The following EXPH5 variants were observed in gnomAD, a reference collection of about 807,000 sequenced individuals.
EXPH5 encodes the protein exophilin-5.
In EXPH5, 42 loss-of-function variants were observed where a neutral mutation model predicts 41.1. The observed-to-expected ratio is 1.02, with a 90% CI of 0.80 to 1.32. The LOEUF is 1.32. Among genes scored for constraint, EXPH5 ranks in the 40% most tolerant of loss-of-function variants. EXPH5 has a pLI of 0.00. For missense variants in EXPH5, 2,298 were observed against 2,314.5 expected (o/e 0.99, Z 0.15); for synonymous variants, 798 against 833.5 (o/e 0.96, Z 0.73).
chr11:108,514,776 T>G lies in EXPH5; in HGVS notation c.731A>C (p.His244Pro). The G allele has an allele frequency of 6.2e-7, 1 of 1,609,922 alleles. No individual in the cohort carries two copies. The highest frequency in any genetic ancestry group is 1.3e-5 in the African/African-American group (1 of 74,804). ...LNYGSRTQFG[H>P]FYSSGNRHGN... ...ATGTCTGTTACCACTGGAATAAAAG[T>G]GACCGAACTGTGTTCTTGATCCATA... The change falls in exon 6 of 6, where the codon CAC becomes CCC. Residue 244 changes from histidine to proline, a missense_variant. Coordinates refer to ENST00000265843, the MANE Select transcript of EXPH5 (RefSeq NM_015065.3).
At chr11:108,595,884 T>A (rs1225192127), upstream of EXPH5, among the ~76,000 whole-genome samples, 1 of 152,084 alleles carries the variant, frequency 6.6e-6, no homozygotes, top group Non-Finnish European at 1.5e-5. Context: ...ATACAGGTTT[T>A]GAGGGTGATA....
At chr11:108,596,432 T>C (rs116808950), upstream of EXPH5, among the ~76,000 whole-genome samples, 294 of 152,278 alleles carry the variant, frequency 1.9e-3, 1 homozygote, top group African/African-American at 6.6e-3. Context: ...GCAAAGATGA[T>C]GCAAGATCTC....
chr11:108,526,969 A>G, intron 4 of EXPH5, among the ~76,000 whole-genome samples: 1 of 152,126 alleles, frequency 6.6e-6, no homozygotes, highest in Non-Finnish European at 1.5e-5. Context: ...GGGCTGAGGC[A>G]TATATAGGAG....
At chr11:108,541,405 C>A (rs1310030152) in intron 2 of EXPH5, among the ~76,000 whole-genome samples, 1 of 151,722 alleles carries the variant, frequency 6.6e-6, no homozygotes, top group Non-Finnish European at 1.5e-5. Flanking sequence ...ATATTCCTAC[C>A]CACTATGCTA....
rs1850059211 is a variant in EXPH5 at position 108,506,855 on chromosome 11, G to T, written c.*2682C>A. ...AAAATACAAAAATTAGCTGGGCGTGGTGGTGGGCACCTGTAATCCCAGCTA... is the reference window on the plus strand; with the variant it reads ...AAAATACAAAAATTAGCTGGGCGTGTTGGTGGGCACCTGTAATCCCAGCTA... On this transcript the variant is annotated 3_prime_UTR_variant, in exon 6 of 6. Transcript: ENST00000265843. The T allele has an allele frequency of 6.6e-6, 1 of 152,154 alleles. No homozygotes were observed. Among genetic ancestry groups the T allele is most frequent in the Non-Finnish European group, 1.5e-5 (1 of 68,070 alleles). 9.4% of individuals were successfully genotyped at this position (152,154 alleles called of 1,614,324 possible). A position where few individuals can be genotyped will look rare whatever the true frequency, so the allele number is the denominator to read the frequency against.
intron 1 of EXPH5, among the ~76,000 whole-genome samples, chr11:108,571,370 A>G (rs993130081): frequency 6.6e-6 from 1 of 152,136 alleles, no homozygotes; most frequent in Non-Finnish European, 1.5e-5. Flanking sequence ...AATAGGGGAG[A>G]AACTGATGTC....
chr11:108,513,328 G>A lies in EXPH5; in HGVS notation c.2179C>T (p.Pro727Ser), dbSNP rs771561510. The change falls in exon 6 of 6, where the codon CCC becomes TCC. Residue 727 changes from proline (P) to serine (S), a missense_variant. Transcript: ENST00000265843. The stretch of plus-strand genomic sequence containing the variant: ...ATCCCTGTCTGTGAAACAGGTTGGG[G>A]TATTTCACCTGCCTTGTTTGTCTGG... ...MDQTNKAGEI[P>S]QPVSQTGISN... 6.2e-7 allele frequency: 1 copy of A among 1,613,752 alleles called. No homozygotes were observed. Among genetic ancestry groups the A allele is most frequent in the African/African-American group, 1.3e-5 (1 of 74,892 alleles).
chr11:108,539,962 A>G (rs1033673526), intron 2 of EXPH5, among the ~76,000 whole-genome samples: 1 of 152,192 alleles, frequency 6.6e-6, no homozygotes, highest in African/African-American at 2.4e-5. Context: ...TTTATGTATA[A>G]TATATATGTA....
At chr11:108,518,115 G>A in intron 5 of EXPH5, 120 bp downstream of exon 5, 2 of 837,392 alleles carry the variant, frequency 2.4e-6, no homozygotes, top group Non-Finnish European at 3.7e-6. Context: ...AGCTAAACAT[G>A]AGGATGTAAA....
Position 108,511,429 on chromosome 11 carries a change from C to T in EXPH5, c.4078G>A (p.Glu1360Lys), listed in dbSNP as rs759352392. 6 of 1,590,340 alleles carry T rather than the reference C, an allele frequency of 3.8e-6. No individual in the cohort carries two copies. The South Asian group carries it at 5.8e-5, about 15-fold the overall frequency. The change falls in exon 6 of 6, where the codon GAA (glutamate) becomes AAA (lysine). Residue 1360 changes from glutamate (E) to lysine (K), a missense_variant. Physicochemically the swap from Glu to Lys is moderately conservative, Grantham distance 56. Transcript: ENST00000265843. The stretch of plus-strand genomic sequence containing the variant: ...GAAAAAATCTCTCTAGCTTTAGATT[C>T]CTCTTCAGGAAGAGAAACAGCTGCC... Reference protein sequence around the residue: ...VEAAVSLPEEESKAREIFSDN... With the variant: ...VEAAVSLPEEKSKAREIFSDN...
chr11:108,538,155 C>T lies in EXPH5; in HGVS notation c.443+869G>A, dbSNP rs1200036138. The T allele has an allele frequency of 3.0e-6, 3 of 985,444 alleles. No homozygotes were observed. The African/African-American group carries it at 5.2e-5, about 17-fold the overall frequency. 61.0% of individuals were successfully genotyped at this position (985,444 alleles called of 1,614,324 possible). A position where few individuals can be genotyped will look rare whatever the true frequency, so the allele number is the denominator to read the frequency against. On this transcript the variant is annotated intron_variant, in intron 3 of 5. Coordinates refer to ENST00000265843, the MANE Select transcript of EXPH5 (RefSeq NM_015065.3). ...GCAGCCTCATCACACAACCCACCAGCTGCTTGCTGCCTCTTGTTTCTCAGC... is the reference window on the plus strand; with the variant it reads ...GCAGCCTCATCACACAACCCACCAGTTGCTTGCTGCCTCTTGTTTCTCAGC...
At chr11:108,573,139 G>GGAAAGAAAGAAAGAAAGAAAGAAAGAAA (rs3054581) in intron 1 of EXPH5, among the ~76,000 whole-genome samples, 1 of 90,508 alleles carries the variant, frequency 1.1e-5, no homozygotes, top group Admixed American at 1.3e-4. Context: ...AAGGAAAGAA[G>GGAAAGAAAGAAAGAAAGAAAGAAAGAAA]GAAAGAAAGA....
chr11:108,589,952 A>G (rs2094123527), intron 1 of EXPH5, among the ~76,000 whole-genome samples: 2 of 152,214 alleles, frequency 1.3e-5, no homozygotes, highest in South Asian at 2.1e-4. Flanking sequence ...GTATATAGTA[A>G]GGGCCTAATA....
At chr11:108,556,429 C>G (rs2640791) in intron 1 of EXPH5, among the ~76,000 whole-genome samples, 1 of 152,160 alleles carries the variant, frequency 6.6e-6, no homozygotes, top group Non-Finnish European at 1.5e-5. Flanking sequence ...AGGTCAGTAC[C>G]AGACAGTGGC....
At position 108,561,396 on chromosome 11, in the gene EXPH5, C is replaced by G. The variant is rs141718347; in HGVS notation, c.120-19584G>C. Among the ~76,000 whole-genome samples, 55 of 152,044 alleles carry G rather than the reference C, an allele frequency of 3.6e-4. No individual in the cohort carries two copies. The East Asian group carries it at 4.8e-3, about 13-fold the overall frequency. On this transcript the variant is annotated intron_variant, in intron 1 of 5. Transcript: ENST00000265843. ...TTTGTTTTAAATCATTCTGGCATCT[C>G]TATTCTCTTTGCCAACACCCAAAAA...
At chr11:108,560,684 C>G (rs1317370366) in intron 1 of EXPH5, among the ~76,000 whole-genome samples, 6 of 152,176 alleles carry the variant, frequency 3.9e-5, no homozygotes, top group Admixed American at 6.5e-5. Flanking sequence ...AAAACATACT[C>G]CTGAGAACCA....
intron 1 of EXPH5, among the ~76,000 whole-genome samples, chr11:108,593,058 C>A (rs778100487): frequency 2.6e-5 from 4 of 152,226 alleles, no homozygotes; most frequent in Non-Finnish European, 5.9e-5. Context: ...CCAGATCGCG[C>A]CCCCGCCGCA....
upstream of EXPH5, among the ~76,000 whole-genome samples, chr11:108,594,047 G>A (rs2094135035): frequency 6.6e-6 from 1 of 152,206 alleles, no homozygotes; most frequent in African/African-American, 2.4e-5. Context: ...AGTGAAAAAG[G>A]AGATTCATGA....
chr11:108,585,150 A>G (rs987316539), intron 1 of EXPH5, among the ~76,000 whole-genome samples: 1 of 152,232 alleles, frequency 6.6e-6, no homozygotes, highest in South Asian at 2.1e-4. Flanking sequence ...ACATAAAAAG[A>G]TGTTTACCAT....
Sources: allele counts gnomAD v4.1 joint callset (sites outside exome capture counted in the v4.1 genomes callset), GRCh38; gene constraint gnomAD v4.1.1; transcripts MANE v1.5; gene names NCBI Gene and HGNC (gene_info 2026-07-23, HGNC 2026-07-21).